CPNE4: variants seen among roughly 807,000 people sequenced by gnomAD.
The protein encoded by CPNE4 is copine 4, also known as copine-4.
Under a neutral mutation model 67.9 loss-of-function variants are expected in CPNE4, and 25 were observed. The observed-to-expected ratio is 0.37, with a 90% confidence interval of 0.27 to 0.51. CPNE4 has a LOEUF of 0.51. CPNE4 is among the 20% of genes least tolerant of loss of function. The pLI is 0.93. For missense variants in CPNE4, 464 were observed against 690.8 expected, an observed-to-expected ratio of 0.67 and a Z score of 3.68; for synonymous variants, 242 against 244.9, an observed-to-expected ratio of 0.99 and a Z score of 0.11.
chr3:131,634,939 T>A (rs73001241), intron 7 of CPNE4, among the ~76,000 whole-genome samples: 15 of 152,174 alleles, frequency 9.9e-5, no homozygotes, highest in African/African-American at 3.6e-4. Context: ...GGTACTCAGA[T>A]GCAGTCACAT....
At position 131,570,707 on chromosome 3, in the gene CPNE4, C is replaced by T. The variant is rs551451645; in HGVS notation, c.927+4364G>A. On this transcript the variant is annotated intron_variant, in intron 10 of 15. Transcript: ENST00000429747. Reference sequence around the variant, plus strand: ...TCATGTGAGGTACAAGGACTGTCTTCAGGAGTGCCCTTGACCTCCCAAAAT... The same window carrying T: ...TCATGTGAGGTACAAGGACTGTCTTTAGGAGTGCCCTTGACCTCCCAAAAT... 2.6e-5 allele frequency among the ~76,000 whole-genome samples: 4 copies of T among 152,154 alleles called. No individual in the cohort carries two copies. The South Asian group carries it at 8.3e-4, about 32-fold the overall frequency.
chr3:131,777,181 T>C (rs905828337), intron 2 of CPNE4, among the ~76,000 whole-genome samples: 4 of 152,098 alleles, frequency 2.6e-5, no homozygotes, highest in Admixed American at 1.3e-4. Flanking sequence ...GGTGATATTA[T>C]AGTAACTCAC....
chr3:132,010,712 A>G (rs1037786622), intron 1 of CPNE4, among the ~76,000 whole-genome samples: 10 of 152,068 alleles, frequency 6.6e-5, no homozygotes, highest in African/African-American at 2.4e-4. Flanking sequence ...GACTCTCTTC[A>G]TTGCTCCAAA....
chr3:131,872,932 C>T (rs1245544645), intron 2 of CPNE4, among the ~76,000 whole-genome samples: 5 of 151,828 alleles, frequency 3.3e-5, no homozygotes, highest in African/African-American at 1.2e-4. Flanking sequence ...GACAAACTAA[C>T]CTTTATGTGC....
intron 7 of CPNE4, among the ~76,000 whole-genome samples, chr3:131,626,150 T>C (rs1363125373): frequency 2.0e-5 from 3 of 152,142 alleles, no homozygotes; most frequent in Admixed American, 6.5e-5. Context: ...TACAACAATA[T>C]TGAAATTAGG....
At chr3:131,842,786 T>C (rs914208064) in intron 2 of CPNE4, among the ~76,000 whole-genome samples, 21 of 149,824 alleles carry the variant, frequency 1.4e-4, no homozygotes, top group African/African-American at 4.6e-4. Flanking sequence ...AAGTGCTGAA[T>C]TGTAAATAAA....
At chr3:131,543,029 A>G (rs1174885902) in intron 14 of CPNE4, 16 of 480,586 alleles carry the variant, frequency 3.3e-5, no homozygotes, top group Non-Finnish European at 6.0e-5. Context: ...ACTGACAGTT[A>G]CAAAGAAAGA....
At chr3:131,923,621 C>A (rs1277684238) in intron 1 of CPNE4, among the ~76,000 whole-genome samples, 1 of 137,044 alleles carries the variant, frequency 7.3e-6, no homozygotes, top group East Asian at 2.3e-4. Flanking sequence ...AGGAGAATCA[C>A]TTGAGCCTGA....
intron 2 of CPNE4, among the ~76,000 whole-genome samples, chr3:131,854,701 G>A (rs73203855): frequency 0.076 from 11,574 of 151,530 alleles, 567 homozygotes; most frequent in East Asian, 0.17. Flanking sequence ...TTAGGCAGAG[G>A]GTGTGTGTCT....
At chr3:131,993,491 C>T (rs1431521852) in intron 1 of CPNE4, among the ~76,000 whole-genome samples, 1 of 26,104 alleles carries the variant, frequency 3.8e-5, no homozygotes, top group Non-Finnish European at 7.9e-5. Context: ...AAAAAAAAAG[C>T]ATAGCTTTAG....
At chr3:131,709,099 A>G (rs1194490031) in intron 3 of CPNE4, among the ~76,000 whole-genome samples, 1 of 150,776 alleles carries the variant, frequency 6.6e-6, no homozygotes, top group African/African-American at 2.4e-5. Flanking sequence ...ATGAATTCTG[A>G]TATCAGGATG....
chr3:131,575,203 G>A (rs1188582488), intron 9 of CPNE4, 73 bp from the exon 10 acceptor site: 2 of 1,286,528 alleles, frequency 1.6e-6, no homozygotes, highest in African/African-American at 1.5e-5. Context: ...AGGCCTAAAG[G>A]TTGGTGACTG....
intron 1 of CPNE4, among the ~76,000 whole-genome samples, chr3:131,994,848 C>T (rs2073249927): frequency 6.6e-6 from 1 of 152,186 alleles, no homozygotes; most frequent in Admixed American, 6.5e-5. Context: ...GAGAAGTAAC[C>T]AAAAGCATAT....
chr3:132,016,803 C>A (rs1277678195), intron 1 of CPNE4, among the ~76,000 whole-genome samples: 1 of 152,206 alleles, frequency 6.6e-6, no homozygotes, highest in African/African-American at 2.4e-5. Context: ...ATCCATCTAG[C>A]AGTCATATTC....
chr3:131,783,366 T>C (rs1311117861), intron 2 of CPNE4, among the ~76,000 whole-genome samples: 1 of 152,070 alleles, frequency 6.6e-6, no homozygotes, highest in Non-Finnish European at 1.5e-5. Context: ...TACCTATAAA[T>C]CTTGATGGGG....
intron 3 of CPNE4, among the ~76,000 whole-genome samples, chr3:131,710,415 A>G (rs1171616821): frequency 6.6e-6 from 1 of 152,138 alleles, no homozygotes; most frequent in Non-Finnish European, 1.5e-5. Flanking sequence ...CAATTTATCA[A>G]CTTGTGAGGA....
intron 2 of CPNE4, among the ~76,000 whole-genome samples, chr3:131,814,494 A>G (rs2084653441): frequency 6.6e-6 from 1 of 151,454 alleles, no homozygotes; most frequent in African/African-American, 2.4e-5. Flanking sequence ...GGAATACTTG[A>G]CAAACATCAT....
In CPNE4 at chr3:131,925,907, A is replaced by G. The variant is rs1338787859; in HGVS notation, c.-1-20463T>C. 2.0e-4 allele frequency among the ~76,000 whole-genome samples: 29 copies of G among 143,722 alleles called. 1 individual carries two copies. The Admixed American group carries it at 2.0e-3, about 10-fold the overall frequency. The allele number at this position is 143,722 out of a possible 152,430, so 94.3% of individuals were successfully genotyped here. A position where few individuals can be genotyped will look rare whatever the true frequency, so the allele number is the denominator to read the frequency against. On this transcript the variant is annotated intron_variant, in intron 1 of 15. Coordinates refer to ENST00000429747, the MANE Select transcript of CPNE4 (RefSeq NM_130808.3). ...TGAGAATTTCAGGGAACCTAGGGAC[A>G]TGAGACATATTTTCCACCTTCCTGG... is the stretch of plus-strand genomic sequence containing the variant.
chr3:131,569,718 A>C (rs1338342645), intron 10 of CPNE4, among the ~76,000 whole-genome samples: 2 of 151,706 alleles, frequency 1.3e-5, no homozygotes, highest in Non-Finnish European at 2.9e-5. Flanking sequence ...AAGAAAGAAA[A>C]AGATTTCCTG....
Sources: gnomAD v4.1 joint callset for allele counts (sites outside exome capture counted in the v4.1 genomes callset) on GRCh38, gnomAD v4.1.1 for gene constraint, MANE v1.5 for transcripts, NCBI Gene and HGNC (gene_info 2026-07-23, HGNC 2026-07-21) for gene names.